Variants in NMNAT2 observed in about 807,000 individuals in gnomAD.
The protein encoded by NMNAT2 is nicotinamide/nicotinic acid mononucleotide adenylyltransferase 2.
In NMNAT2, 11 loss-of-function variants were observed where a neutral mutation model predicts 41.6. That is an observed-to-expected ratio of 0.26 (90% CI 0.17 to 0.44). The LOEUF (loss-of-function observed/expected upper bound fraction) is 0.44. Among genes scored for constraint, NMNAT2 ranks in the 20% least tolerant of loss-of-function variants. The pLI is 1.00. For missense variants in NMNAT2, 288 were observed against 407.7 expected (o/e 0.71, Z 2.53); for synonymous variants, 148 against 151.2 (o/e 0.98, Z 0.16).
At chr1:183,308,874 G>C (rs1662050821) in intron 1 of NMNAT2, among the ~76,000 whole-genome samples, 1 of 152,048 alleles carries the variant, frequency 6.6e-6, no homozygotes, top group African/African-American at 2.4e-5. Context: ...AGAGAGGGAG[G>C]AGCTTTGTAG....
intron 1 of NMNAT2, among the ~76,000 whole-genome samples, chr1:183,378,732 T>A (rs1663730848): frequency 6.6e-6 from 1 of 152,056 alleles, no homozygotes; most frequent in Admixed American, 6.5e-5. Context: ...ATGTGAATGG[T>A]CTAAACACAC....
At chr1:183,359,475 T>G (rs1311410763) in intron 1 of NMNAT2, among the ~76,000 whole-genome samples, 1 of 152,182 alleles carries the variant, frequency 6.6e-6, no homozygotes, top group Non-Finnish European at 1.5e-5. Flanking sequence ...AGAAAAGCCC[T>G]GAAAAGCAGA....
intron 1 of NMNAT2, among the ~76,000 whole-genome samples, chr1:183,400,990 G>A (rs1648792874): frequency 6.6e-6 from 1 of 152,174 alleles, no homozygotes; most frequent in Non-Finnish European, 1.5e-5. Flanking sequence ...ATACCATTCA[G>A]GACATAGGCA....
intron 8 of NMNAT2, among the ~76,000 whole-genome samples, chr1:183,274,070 G>A (rs898503258): frequency 8.6e-5 from 13 of 151,662 alleles, no homozygotes; most frequent in Non-Finnish European, 5.9e-5. Flanking sequence ...GCACCACCAC[G>A]CCTGGGTGAT....
At chr1:183,371,568 A>G (rs1242129012) in intron 1 of NMNAT2, among the ~76,000 whole-genome samples, 1 of 151,612 alleles carries the variant, frequency 6.6e-6, no homozygotes, top group African/African-American at 2.4e-5. Context: ...TGAAGGGGGG[A>G]GTCTGTGGGA....
At chr1:183,267,709 A>G (rs1443360999) in intron 8 of NMNAT2, among the ~76,000 whole-genome samples, 1 of 152,040 alleles carries the variant, frequency 6.6e-6, no homozygotes, top group Non-Finnish European at 1.5e-5. Flanking sequence ...GGCCTCTGGA[A>G]CTGAACTATT....
At chr1:183,286,849 C>G (rs1203581381) in intron 4 of NMNAT2, 61 bp from the exon 5 acceptor site, 1 of 1,550,132 alleles carries the variant, frequency 6.5e-7, no homozygotes, top group Non-Finnish European at 8.7e-7. Flanking sequence ...TCAAAGTTAT[C>G]TCCAAGTGGT....
At chr1:183,301,783 A>G (rs1271794238) in intron 1 of NMNAT2, among the ~76,000 whole-genome samples, 1 of 152,196 alleles carries the variant, frequency 6.6e-6, no homozygotes. Context: ...AGACACACAT[A>G]TCCTCCTGGC....
chr1:183,417,022 C>T (rs761452772), intron 1 of NMNAT2, among the ~76,000 whole-genome samples: 1 of 152,170 alleles, frequency 6.6e-6, no homozygotes, highest in Non-Finnish European at 1.5e-5. Flanking sequence ...CTCGCTTTTC[C>T]CTACTCCTCG....
chr1:183,414,274 T>C (rs1035181958), intron 1 of NMNAT2, among the ~76,000 whole-genome samples: 1 of 152,148 alleles, frequency 6.6e-6, no homozygotes, highest in Non-Finnish European at 1.5e-5. Context: ...CAAATTAAAA[T>C]AGAAAAAAAT....
At chr1:183,405,524 A>C (rs1648929256) in intron 1 of NMNAT2, among the ~76,000 whole-genome samples, 1 of 152,228 alleles carries the variant, frequency 6.6e-6, no homozygotes, top group African/African-American at 2.4e-5. Flanking sequence ...GGACAAAGTC[A>C]TCATTGCAGG....
In NMNAT2 at chr1:183,301,870, G is replaced by A. The variant is rs558082463; in HGVS notation, c.86-8077C>T. Among the ~76,000 whole-genome samples, 7 of 152,236 alleles carry A rather than the reference G, an allele frequency of 4.6e-5. No homozygotes were observed. The East Asian group carries it at 7.7e-4, about 17-fold the overall frequency. On this transcript the variant is annotated intron_variant, in intron 1 of 10. Transcript: ENST00000287713. The stretch of plus-strand genomic sequence containing the variant: ...TTAATGGAAGAGTGTTTCTTCCACC[G>A]TGGTCACAGCATCAACACTAACTCC...
chr1:183,400,272 GACAA>G (rs1184814771), intron 1 of NMNAT2, among the ~76,000 whole-genome samples: 19 of 152,212 alleles, frequency 1.2e-4, no homozygotes, highest in African/African-American at 3.9e-4. Context: ...ACCAATAATA[GACAA>G]ACAAAGAGCC....
intron 1 of NMNAT2, among the ~76,000 whole-genome samples, chr1:183,310,490 C>G (rs1407205459): frequency 6.6e-6 from 1 of 152,130 alleles, no homozygotes; most frequent in African/African-American, 2.4e-5. Context: ...TCTCATGTCT[C>G]CAGTGATTTC....
At chr1:183,314,515 C>T (rs1024872492) in intron 1 of NMNAT2, among the ~76,000 whole-genome samples, 83 of 152,210 alleles carry the variant, frequency 5.5e-4, no homozygotes, top group African/African-American at 1.9e-3. Flanking sequence ...GTGTCTGGCA[C>T]CCAACTGATG....
At chr1:183,304,965 T>C (rs1466956887) in intron 1 of NMNAT2, 19 of 1,057,312 alleles carry the variant, frequency 1.8e-5, no homozygotes, top group Admixed American at 3.2e-5. Flanking sequence ...ACCTCTCATA[T>C]GCTCCCGCTT....
At chr1:183,383,122 C>T (rs1357261996) in intron 1 of NMNAT2, among the ~76,000 whole-genome samples, 1 of 152,236 alleles carries the variant, frequency 6.6e-6, no homozygotes, top group African/African-American at 2.4e-5. Flanking sequence ...GTGGGCTTAA[C>T]ACCACGTGGA....
intron 1 of NMNAT2, among the ~76,000 whole-genome samples, chr1:183,349,387 A>G (rs1343350973): frequency 6.6e-6 from 1 of 152,272 alleles, no homozygotes; most frequent in Non-Finnish European, 1.5e-5. Flanking sequence ...TTAAATGGTC[A>G]TAGACAGAAG....
At chr1:183,417,292 G>A (rs1292121825) in intron 1 of NMNAT2, among the ~76,000 whole-genome samples, 1 of 151,784 alleles carries the variant, frequency 6.6e-6, no homozygotes, top group Non-Finnish European at 1.5e-5. Flanking sequence ...CTGACTCCAC[G>A]CCCCAAAGCT....
Sources: gnomAD v4.1 joint callset for allele counts (sites outside exome capture counted in the v4.1 genomes callset) on GRCh38, gnomAD v4.1.1 for gene constraint, MANE v1.5 for transcripts, NCBI Gene and HGNC (gene_info 2026-07-23, HGNC 2026-07-21) for gene names.